The following AK5 variants were observed in gnomAD, a reference collection of about 807,000 sequenced individuals.
AK5 encodes adenylate kinase isoenzyme 5.
AK5 carries 27 observed loss-of-function variants against 69.5 expected under a neutral mutation model. The ratio of observed to expected loss-of-function variants is 0.39; its 90% CI spans 0.29 to 0.54. The LOEUF (loss-of-function observed/expected upper bound fraction) is 0.54. Among genes scored for constraint, AK5 ranks in the 20% least tolerant of loss-of-function variants. The pLI, the probability that AK5 is intolerant of heterozygous loss-of-function variation, is 0.71. For synonymous variants in AK5, 260 were observed against 244.4 expected, an observed-to-expected ratio of 1.06 and a Z score of -0.60; for missense variants, 531 against 700.4, an observed-to-expected ratio of 0.76 and a Z score of 2.73.
At chr1:77,307,188 G>A (rs891439472) in intron 5 of AK5, among the ~76,000 whole-genome samples, 3 of 151,306 alleles carry the variant, frequency 2.0e-5, no homozygotes, top group Non-Finnish European at 4.4e-5. Context: ...TGCATCTTTA[G>A]ATTATTTATT....
Position 77,456,719 on chromosome 1 carries a change from G to T in AK5, c.1060-26598G>T, listed in dbSNP as rs749211902. ...GGTCACCCTAGTTCCAAAGAACCAT[G>T]CAGAATGGGGAAGGAGTGACGTGCA... is the stretch of plus-strand genomic sequence containing the variant. On this transcript the variant is annotated intron_variant, in intron 8 of 13. Transcript: ENST00000354567. Among the ~76,000 whole-genome samples the T allele has an allele frequency of 3.4e-4, 52 of 152,150 alleles. 1 individual carries two copies. The highest frequency in any genetic ancestry group is 5.7e-4 in the Non-Finnish European group (39 of 68,018).
chr1:77,340,534 T>C lies in AK5; in HGVS notation c.857T>C (p.Val286Ala). Residue 286 changes from valine to alanine, a missense_variant, in exon 6 of 14, where the codon GTT becomes GCT. Physicochemically the swap from Val to Ala is moderately conservative, Grantham distance 64 (BLOSUM62 0). Transcript: ENST00000354567. ...MNFKQNAAPL[V>A]KYFQEKGLIM... ...TTCAAGCAGAATGCTGCTCCATTGG[T>C]TAAATACTTCCAGGAAAAGGGGCTC... 1 of 1,614,038 alleles carries C rather than the reference T, an allele frequency of 6.2e-7. No individual in the cohort carries two copies. Among genetic ancestry groups the C allele is most frequent in the Non-Finnish European group, 8.5e-7 (1 of 1,179,958 alleles).
At chr1:77,393,063 G>A (rs1648593809) in intron 6 of AK5, among the ~76,000 whole-genome samples, 1 of 151,948 alleles carries the variant, frequency 6.6e-6, no homozygotes, top group Non-Finnish European at 1.5e-5. Flanking sequence ...CTTCCAAGTA[G>A]CTGGGACTGC....
intron 6 of AK5, among the ~76,000 whole-genome samples, chr1:77,352,975 G>A (rs1662291127): frequency 6.6e-6 from 1 of 152,112 alleles, no homozygotes; most frequent in Non-Finnish European, 1.5e-5. Flanking sequence ...TCACTTATGA[G>A]ACCTAATTGG....
At chr1:77,305,826 G>A (rs984469112) in intron 5 of AK5, among the ~76,000 whole-genome samples, 3 of 152,030 alleles carry the variant, frequency 2.0e-5, no homozygotes, top group Admixed American at 2.0e-4. Context: ...GCTATTCTGG[G>A]TCTTTTGTGG....
chr1:77,547,289 T>TTC (rs1659592513), intron 13 of AK5, among the ~76,000 whole-genome samples: 1 of 147,312 alleles, frequency 6.8e-6, no homozygotes, highest in Non-Finnish European at 1.5e-5. Flanking sequence ...TTTTTTTTTT[T>TTC]TTTGAGACAG....
intron 1 of AK5, 133 bp downstream of exon 1, chr1:77,282,506 G>T (rs1658117277): frequency 7.2e-7 from 1 of 1,385,448 alleles, no homozygotes; most frequent in African/African-American, 1.5e-5. Context: ...AAGCGCACTC[G>T]CCCGCTCCCC....
chr1:77,359,038 G>A (rs1646805041), intron 6 of AK5, among the ~76,000 whole-genome samples: 1 of 151,768 alleles, frequency 6.6e-6, no homozygotes, highest in African/African-American at 2.4e-5. Context: ...GGCGGATCAC[G>A]AGGTCAGGAG....
intron 8 of AK5, among the ~76,000 whole-genome samples, chr1:77,422,880 C>T (rs892770103): frequency 6.6e-6 from 1 of 152,130 alleles, no homozygotes; most frequent in Non-Finnish European, 1.5e-5. Context: ...CCTTTTGGGC[C>T]TCAATTTTCC....
At chr1:77,344,983 C>T in intron 6 of AK5, among the ~76,000 whole-genome samples, 1 of 109,768 alleles carries the variant, frequency 9.1e-6, no homozygotes. Context: ...AAAAGGTCTT[C>T]TTAAATTGTG....
chr1:77,475,191 ATATATGTGTGTG>A (rs1434349316), intron 8 of AK5, among the ~76,000 whole-genome samples: 4 of 62,840 alleles, frequency 6.4e-5, no homozygotes, highest in African/African-American at 2.5e-4. Flanking sequence ...ATATATATAT[ATATATGTGTGTG>A]TGTGTGTGTG....
chr1:77,374,832 AAAG>A (rs554888707), intron 6 of AK5, among the ~76,000 whole-genome samples: 93 of 152,132 alleles, frequency 6.1e-4, no homozygotes, highest in Non-Finnish European at 1.1e-3. Flanking sequence ...AAAAAAAAAA[AAAG>A]AAGAAGTTAT....
intron 7 of AK5, among the ~76,000 whole-genome samples, chr1:77,414,299 A>G (rs1244864297): frequency 1.3e-5 from 2 of 152,196 alleles, no homozygotes; most frequent in African/African-American, 4.8e-5. Context: ...GACAAGGGAG[A>G]AACTGCTTTC....
chr1:77,378,798 T>C (rs1647418327), intron 6 of AK5, among the ~76,000 whole-genome samples: 1 of 152,160 alleles, frequency 6.6e-6, no homozygotes, highest in African/African-American at 2.4e-5. Context: ...GTTGATGCAA[T>C]TAAAATGTCA....
At chr1:77,498,851 T>C (rs1419530857) in intron 10 of AK5, among the ~76,000 whole-genome samples, 4 of 152,212 alleles carry the variant, frequency 2.6e-5, no homozygotes, top group African/African-American at 9.7e-5. Context: ...CCTCAATGTT[T>C]CTTCCTCAAC....
chr1:77,386,002 C>A lies in AK5; in HGVS notation c.892-24979C>A, dbSNP rs79375845. Among the ~76,000 whole-genome samples the A allele has an allele frequency of 1.1e-4, 16 of 152,162 alleles. No individual in the cohort carries two copies. The East Asian group carries it at 2.7e-3, about 26-fold the overall frequency. On this transcript the variant is annotated intron_variant, in intron 6 of 13. Coordinates refer to ENST00000354567, the MANE Select transcript of AK5 (RefSeq NM_174858.3). Reference sequence around the variant, plus strand: ...GAGTAGACTGCTATTTTTCATGAAGCCTTTTGATATCATATTATCTTTCTT... The same window carrying A: ...GAGTAGACTGCTATTTTTCATGAAGACTTTTGATATCATATTATCTTTCTT...
Position 77,285,169 on chromosome 1 carries a change from G to C in AK5, c.61-1772G>C, listed in dbSNP as rs557433168. 3.9e-5 allele frequency among the ~76,000 whole-genome samples: 6 copies of C among 152,310 alleles called. No individual in the cohort carries two copies. The South Asian group carries it at 1.2e-3, about 32-fold the overall frequency. ...TAATCTATAAAATGGGGATAATAAA[G>C]TCACACAGGGCTGAGAATGCACTGG... On this transcript the variant is annotated intron_variant, in intron 1 of 13. Transcript: ENST00000354567.
intron 6 of AK5, among the ~76,000 whole-genome samples, chr1:77,365,193 C>T (rs967703439): frequency 2.0e-5 from 3 of 152,092 alleles, no homozygotes; most frequent in Non-Finnish European, 4.4e-5. Flanking sequence ...AGGTCAATGG[C>T]TCATTTTTTA....
At chr1:77,389,204 T>G (rs1310371515) in intron 6 of AK5, among the ~76,000 whole-genome samples, 1 of 152,220 alleles carries the variant, frequency 6.6e-6, no homozygotes, top group African/African-American at 2.4e-5. Context: ...TAGAATTACT[T>G]TGATGTGATA....
Sources: allele counts gnomAD v4.1 joint callset (sites outside exome capture counted in the v4.1 genomes callset), GRCh38; gene constraint gnomAD v4.1.1; transcripts MANE v1.5; gene names NCBI Gene and HGNC (gene_info 2026-07-23, HGNC 2026-07-21).